The following KCNIP3 variants were observed in gnomAD, a reference collection of about 807,000 sequenced individuals.
The protein encoded by KCNIP3 is calsenilin.
Under a neutral mutation model 35.0 loss-of-function variants are expected in KCNIP3, and 28 were observed. The ratio of observed to expected loss-of-function variants is 0.80; its 90% CI spans 0.59 to 1.10. The LOEUF is 1.10. KCNIP3 is among the 50% of genes least tolerant of loss of function. KCNIP3 has a pLI of 0.00. For synonymous variants in KCNIP3, 134 were observed against 133.8 expected (o/e 1.00, Z -0.01); for missense variants, 295 against 338.4 (o/e 0.87, Z 1.01).
At chr2:95,326,042 CAT>C (rs529240913) in intron 2 of KCNIP3, among the ~76,000 whole-genome samples, 237 of 151,684 alleles carry the variant, frequency 1.6e-3, no homozygotes, top group African/African-American at 4.6e-3. Flanking sequence ...CACATACACT[CAT>C]ATACACACAC....
chr2:95,374,587 G>A lies in KCNIP3; in HGVS notation c.306+167G>A, dbSNP rs577048270. 1.5e-4 allele frequency among the ~76,000 whole-genome samples: 23 copies of A among 152,310 alleles called. No individual in the cohort carries two copies. In the South Asian group the frequency reaches 3.3e-3, roughly 22 times the overall value. On this transcript the variant is annotated intron_variant, in intron 3 of 8. Transcript: ENST00000295225. ...CTCCGGAATGGGCATCGCTGAGGCC[G>A]CCATGCTCCTCCCTCCGTGTCTTTG...
At chr2:95,348,384 G>A (rs3772032) in intron 2 of KCNIP3, among the ~76,000 whole-genome samples, 116,515 of 152,170 alleles carry the variant, frequency 0.77, 45,000 homozygotes, top group African/African-American at 0.85. Context: ...TCAGAGGACC[G>A]TGCCTCCTGC....
chr2:95,361,746 A>G (rs1573512765), intron 2 of KCNIP3, among the ~76,000 whole-genome samples: 1 of 152,056 alleles, frequency 6.6e-6, no homozygotes, highest in Non-Finnish European at 1.5e-5. Context: ...GGAGGATCCT[A>G]CCCAGCCTGC....
At chr2:95,328,605 G>A (rs183892720) in intron 2 of KCNIP3, among the ~76,000 whole-genome samples, 1 of 152,390 alleles carries the variant, frequency 6.6e-6, no homozygotes, top group African/African-American at 2.4e-5. Flanking sequence ...ACACTCCTGT[G>A]TGTGTGAGCG....
chr2:95,326,301 CAT>C (rs1678787873), intron 2 of KCNIP3, among the ~76,000 whole-genome samples: 7 of 152,026 alleles, frequency 4.6e-5, no homozygotes, highest in African/African-American at 1.4e-4. Flanking sequence ...TCATTACACA[CAT>C]ACACATACAC....
In KCNIP3 at chr2:95,377,059, AC is replaced by A. The variant is rs1680218552; in HGVS notation, c.447+1853del. Among the ~76,000 whole-genome samples the A allele has an allele frequency of 6.6e-6, 1 of 152,092 alleles. No individual in the cohort carries two copies. Among genetic ancestry groups the A allele is most frequent in the Non-Finnish European group, 1.5e-5 (1 of 68,004 alleles). The stretch of plus-strand genomic sequence containing the variant: ...GCGGGCGATGCCATCCCCACACCCC[AC>A]CTTGGAGTGGCTCCTGCTCCCATCC... On this transcript the variant is annotated intron_variant, in intron 5 of 8. Coordinates refer to ENST00000295225, the MANE Select transcript of KCNIP3 (RefSeq NM_013434.5). The surrounding 1 kb of genome is among the most constrained non-coding windows in gnomAD (Gnocchi z 4.7).
intron 2 of KCNIP3, among the ~76,000 whole-genome samples, chr2:95,343,922 A>G (rs569977674): frequency 1.3e-5 from 2 of 152,076 alleles, no homozygotes; most frequent in South Asian, 4.2e-4. Flanking sequence ...TCCTCTGAAA[A>G]CTTCCTAAAC....
rs369081564 is a variant in KCNIP3 at position 95,329,157 on chromosome 2, C to A, written c.181+18637C>A. On this transcript the variant is annotated intron_variant, in intron 2 of 8. Coordinates refer to ENST00000295225, the MANE Select transcript of KCNIP3 (RefSeq NM_013434.5). ...GTTACTTCGAGGATTAAATAGAACA[C>A]GGCGATTAGCCCAGGAGTACTCCGT... Among the ~76,000 whole-genome samples, 3 of 152,324 alleles carry A rather than the reference C, an allele frequency of 2.0e-5. No individual in the cohort carries two copies. The East Asian group carries it at 5.8e-4, about 29-fold the overall frequency.
chr2:95,324,016 G>A (rs1678659510), intron 2 of KCNIP3, among the ~76,000 whole-genome samples: 1 of 152,170 alleles, frequency 6.6e-6, no homozygotes, highest in South Asian at 2.1e-4. Flanking sequence ...GGGAGGCAGA[G>A]GGAGCCCGCG....
intron 2 of KCNIP3, among the ~76,000 whole-genome samples, chr2:95,358,152 C>T (rs535520952): frequency 3.5e-4 from 53 of 152,254 alleles, no homozygotes; most frequent in African/African-American, 1.3e-3. Flanking sequence ...TCTTCCATTG[C>T]TTCTGCTTCT....
Position 95,374,331 on chromosome 2 carries a change from C to T in KCNIP3, c.217C>T (p.Arg73Cys), listed in dbSNP as rs199540663. The change falls in exon 3 of 9, where the codon CGC becomes TGC. Residue 73 changes from arginine to cysteine, a missense_variant. By Grantham distance (180) the Arg-to-Cys change is radical. Coordinates refer to ENST00000295225, the MANE Select transcript of KCNIP3 (RefSeq NM_013434.5). Reference sequence around the variant, plus strand: ...CAGTGAGCTGGAGCTGTCCACGGTGCGCCACCAGCCAGAGGGGCTGGACCA... The same window carrying T: ...CAGTGAGCTGGAGCTGTCCACGGTGTGCCACCAGCCAGAGGGGCTGGACCA... The part of the protein sequence containing the change: ...SDSELELSTV[R>C]HQPEGLDQLQ... 21 of 1,614,108 alleles carry T rather than the reference C, an allele frequency of 1.3e-5. No homozygotes were observed. Among genetic ancestry groups the T allele is most frequent in the South Asian group, 8.8e-5 (8 of 91,082 alleles).
intron 1 of KCNIP3, among the ~76,000 whole-genome samples, chr2:95,307,351 C>T (rs1421690623): frequency 1.3e-5 from 2 of 152,216 alleles, no homozygotes; most frequent in Non-Finnish European, 2.9e-5. Flanking sequence ...CCCCAGGGAC[C>T]CAGGCCGAGA....
intron 2 of KCNIP3, among the ~76,000 whole-genome samples, chr2:95,356,258 C>T (rs142150892): frequency 9.5e-4 from 144 of 152,122 alleles, no homozygotes; most frequent in Non-Finnish European, 1.6e-3. Context: ...GCCCTTTGCC[C>T]GATGGGTAGA....
At chr2:95,364,825 TA>T (rs1679881142) in intron 2 of KCNIP3, among the ~76,000 whole-genome samples, 1 of 152,100 alleles carries the variant, frequency 6.6e-6, no homozygotes, top group South Asian at 2.1e-4. Flanking sequence ...ACAAGTGAAA[TA>T]AACGTCTTTT....
In KCNIP3 at chr2:95,383,267, T is replaced by C; in HGVS notation, c.696T>C (p.Ile232=). 6.2e-7 allele frequency: 1 copy of C among 1,613,840 alleles called. No individual in the cohort carries two copies. The highest frequency in any genetic ancestry group is 8.5e-7 in the Non-Finnish European group (1 of 1,179,910). Residue 232 remains isoleucine (I), a synonymous_variant, in exon 8 of 9, where the codon ATT becomes ATC. Coordinates refer to ENST00000295225, the MANE Select transcript of KCNIP3 (RefSeq NM_013434.5). ...MDRNQDGVVT[I]EEFLEACQKD... is the part of the protein sequence containing the mutation. ...GGAACCAGGATGGGGTAGTGACCAT[T>C]GAAGAGTTCCTGGAGGCCTGTCAGA...
At chr2:95,347,572 T>G (rs1001715386) in intron 2 of KCNIP3, among the ~76,000 whole-genome samples, 1 of 152,154 alleles carries the variant, frequency 6.6e-6, no homozygotes, top group African/African-American at 2.4e-5. Flanking sequence ...GGTATCCAGT[T>G]ACCCCTCCCC....
intron 2 of KCNIP3, among the ~76,000 whole-genome samples, chr2:95,331,824 C>T (rs1678940095): frequency 6.6e-6 from 1 of 152,212 alleles, no homozygotes; most frequent in African/African-American, 2.4e-5. Flanking sequence ...GAGATCCCTT[C>T]TCAGATATTT....
At chr2:95,357,542 G>A in intron 2 of KCNIP3, among the ~76,000 whole-genome samples, 1 of 152,164 alleles carries the variant, frequency 6.6e-6, no homozygotes, top group Non-Finnish European at 1.5e-5. Flanking sequence ...GGTTAGGGCT[G>A]CTTTCTTCCC....
At chr2:95,322,791 G>A (rs866728118) in intron 2 of KCNIP3, among the ~76,000 whole-genome samples, 2 of 152,326 alleles carry the variant, frequency 1.3e-5, no homozygotes, top group Middle Eastern at 3.4e-3. Context: ...TCCTGTTCAC[G>A]GGACGGGGCC....
Sources: allele counts gnomAD v4.1 joint callset (sites outside exome capture counted in the v4.1 genomes callset), GRCh38; gene constraint gnomAD v4.1.1; non-coding constraint Gnocchi (gnomAD v3.1); transcripts MANE v1.5; gene names NCBI Gene and HGNC (gene_info 2026-07-23, HGNC 2026-07-21).